RNF157: variants seen among roughly 807,000 people sequenced by gnomAD.
RNF157 encodes ring finger protein 157, also known as E3 ubiquitin ligase RNF157.
RNF157 carries 55 observed loss-of-function variants against 88.3 expected under a neutral mutation model. The observed-to-expected ratio is 0.62, with a 90% CI of 0.50 to 0.78. RNF157 has a LOEUF of 0.78. Among genes scored for constraint, RNF157 ranks in the 30% least tolerant of loss-of-function variants. The probability of loss-of-function intolerance (pLI) is 0.00; values close to 1 mark genes in which losing one functional copy is unlikely to be tolerated. For missense variants in RNF157, 788 were observed against 860.8 expected, an observed-to-expected ratio of 0.92 and a Z score of 1.06; for synonymous variants, 334 against 341.2, an observed-to-expected ratio of 0.98 and a Z score of 0.23.
At chr17:76,191,658 C>G (rs1303508346) in intron 2 of RNF157, among the ~76,000 whole-genome samples, 1 of 151,436 alleles carries the variant, frequency 6.6e-6, no homozygotes, top group African/African-American at 2.4e-5. Context: ...CCTGTAGTCC[C>G]AGCTCCTAGG....
intron 18 of RNF157, chr17:76,147,087 C>G: frequency 1.0e-6 from 1 of 985,292 alleles, no homozygotes; most frequent in Non-Finnish European, 1.2e-6. Context: ...TCTTTACTCC[C>G]TGGGGGTGGG....
chr17:76,202,128 T>TCTCTCTCACACACACACACA (rs1250661867), intron 2 of RNF157, among the ~76,000 whole-genome samples: 12 of 134,600 alleles, frequency 8.9e-5, no homozygotes, highest in African/African-American at 3.4e-4. Flanking sequence ...TCTCTCTCTC[T>TCTCTCTCACACACACACACA]CACACACACA....
chr17:76,189,069 C>T (rs2069340063), intron 2 of RNF157, among the ~76,000 whole-genome samples: 1 of 152,138 alleles, frequency 6.6e-6, no homozygotes, highest in Non-Finnish European at 1.5e-5. Context: ...AATTGAGAAA[C>T]TAGCACACAT....
At chr17:76,172,172 A>G (rs968743297) in intron 3 of RNF157, among the ~76,000 whole-genome samples, 1 of 152,168 alleles carries the variant, frequency 6.6e-6, no homozygotes, top group Non-Finnish European at 1.5e-5. Flanking sequence ...TAAAATATAA[A>G]AAATTAAGAG....
chr17:76,201,169 T>C (rs1158005808), intron 2 of RNF157, among the ~76,000 whole-genome samples: 4 of 151,930 alleles, frequency 2.6e-5, no homozygotes, highest in Non-Finnish European at 5.9e-5. Context: ...ACACGTTCAC[T>C]GGAAAAAATT....
chr17:76,201,576 A>T (rs1282451824), intron 2 of RNF157, among the ~76,000 whole-genome samples: 1 of 152,194 alleles, frequency 6.6e-6, no homozygotes, highest in Non-Finnish European at 1.5e-5. Flanking sequence ...TTCTTGATAT[A>T]TCCCAAGAGT....
chr17:76,219,450 T>C (rs975334251), intron 1 of RNF157, among the ~76,000 whole-genome samples: 5 of 151,916 alleles, frequency 3.3e-5, no homozygotes, highest in Non-Finnish European at 4.4e-5. Context: ...TGAAGATATA[T>C]ACATATTAAT....
intron 2 of RNF157, among the ~76,000 whole-genome samples, chr17:76,204,358 G>A (rs1048693772): frequency 8.5e-5 from 13 of 152,178 alleles, no homozygotes; most frequent in African/African-American, 3.1e-4. Flanking sequence ...CATCCCCACT[G>A]GTCTGTGCTC....
intron 8 of RNF157, chr17:76,163,246 G>A (rs1032664516): frequency 6.8e-6 from 1 of 147,306 alleles, no homozygotes; most frequent in African/African-American, 2.5e-5. Context: ...AGGCTGGAGT[G>A]CAGTGGCACC....
At chr17:76,202,128 T>TCTCTCTCTCTCTCACACACACA (rs1250661867) in intron 2 of RNF157, among the ~76,000 whole-genome samples, 3 of 134,602 alleles carry the variant, frequency 2.2e-5, no homozygotes, top group Admixed American at 7.3e-5. Flanking sequence ...TCTCTCTCTC[T>TCTCTCTCTCTCTCACACACACA]CACACACACA....
chr17:76,187,191 T>C (rs1156298993), intron 2 of RNF157, among the ~76,000 whole-genome samples: 1 of 151,872 alleles, frequency 6.6e-6, no homozygotes, highest in Non-Finnish European at 1.5e-5. Context: ...TCTTCTTCTT[T>C]TTTTTTTCTT....
At chr17:76,209,950 G>C (rs1182558238) in intron 2 of RNF157, among the ~76,000 whole-genome samples, 4 of 151,986 alleles carry the variant, frequency 2.6e-5, no homozygotes, top group Admixed American at 6.6e-5. Flanking sequence ...AGTAGAGATG[G>C]GGTTTCACCA....
chr17:76,240,157 C>G lies in RNF157; in HGVS notation c.84G>C (p.Lys28Asn), dbSNP rs748724103. The change falls in exon 1 of 19, where the codon AAG becomes AAC. Residue 28 changes from lysine to asparagine, a missense_variant. Lys to Asn is a moderately conservative substitution (Grantham distance 94). Coordinates refer to ENST00000269391, the MANE Select transcript of RNF157 (RefSeq NM_052916.3). The surrounding 1 kb of genome is among the most constrained non-coding windows in gnomAD (Gnocchi z 4.4). The stretch of plus-strand genomic sequence containing the variant: ...GCGGCGCCCGCCCGCCCTCACCGGA[C>G]TTGGGCGGGTAGCGGTACACGGAAT... ...PSNSVYRYPP[K>N]SGSYFASHFI... 1 of 1,359,814 alleles carries G rather than the reference C, an allele frequency of 7.4e-7. No individual in the cohort carries two copies. Among genetic ancestry groups the G allele is most frequent in the Non-Finnish European group, 9.6e-7 (1 of 1,043,508 alleles). 84.2% of individuals were successfully genotyped at this position (1,359,814 alleles called of 1,614,324 possible). A position where few individuals can be genotyped will look rare whatever the true frequency, so the allele number is the denominator to read the frequency against.
chr17:76,221,419 G>T (rs1419057516), intron 1 of RNF157, among the ~76,000 whole-genome samples: 2 of 152,148 alleles, frequency 1.3e-5, no homozygotes, highest in Non-Finnish European at 2.9e-5. Flanking sequence ...CATGATTAAT[G>T]AGAGTTCAAG....
In RNF157 at chr17:76,152,464, G is replaced by T. The variant is rs746575050; in HGVS notation, c.1812C>A (p.Gly604=). 2 of 1,601,556 alleles carry T rather than the reference G, an allele frequency of 1.2e-6. No individual in the cohort carries two copies. Among genetic ancestry groups the T allele is most frequent in the East Asian group, 4.5e-5 (2 of 44,820 alleles). Residue 604 remains glycine, a splice_region_variant and synonymous_variant, in exon 18 of 19, where the codon GGC becomes GGA. Coordinates refer to ENST00000269391, the MANE Select transcript of RNF157 (RefSeq NM_052916.3). Reference sequence around the variant, plus strand: ...TACCTAGAAATGCGCACGTCCTCTGGCCTGTAACGGAGTTAATGCAGTTAG... The same window carrying T: ...TACCTAGAAATGCGCACGTCCTCTGTCCTGTAACGGAGTTAATGCAGTTAG... ...EEEDGSPTQE[G]QRTCAFLGME... is the part of the protein sequence containing the mutation.
Position 76,156,212 on chromosome 17 carries a change from T to C in RNF157, c.1523A>G (p.Glu508Gly), listed in dbSNP as rs1167641204. 3 of 1,611,992 alleles carry C rather than the reference T, an allele frequency of 1.9e-6. No homozygotes were observed. The African/African-American group carries it at 4.0e-5, about 22-fold the overall frequency. Reference protein sequence around the residue: ...TPLSSTISSPEGPASSSLAQS... With the variant: ...TPLSSTISSPGGPASSSLAQS... The stretch of plus-strand genomic sequence containing the variant: ...GCCACTCCCCGCTCCTTATGTACCT[T>C]CTGGGGAGGAAATAGTGGATGACAG... The change falls in exon 14 of 19, where the codon GAA becomes GGA. Residue 508 changes from glutamate to glycine, a missense_variant and splice_region_variant. By Grantham distance (98) the Glu-to-Gly change is moderately conservative. Transcript: ENST00000269391.
rs1447968812 is a variant in RNF157, at chr17:76,195,535, T to C, written c.207+16829A>G. ...CTCCTAGCTATAGCCTTAACAGGTA[T>C]GCATACATATACACAACAAAATACA... On this transcript the variant is annotated intron_variant, in intron 2 of 18. Coordinates refer to ENST00000269391, the MANE Select transcript of RNF157 (RefSeq NM_052916.3). This position sits in a 1 kb window ranked among gnomAD's most constrained non-coding sequence, Gnocchi z 4.4. Among the ~76,000 whole-genome samples the C allele has an allele frequency of 6.6e-6, 1 of 152,202 alleles. No individual in the cohort carries two copies. Among genetic ancestry groups the C allele is most frequent in the Non-Finnish European group, 1.5e-5 (1 of 68,036 alleles).
chr17:76,183,712 TAAGG>T (rs1419863794), intron 2 of RNF157, among the ~76,000 whole-genome samples: 2 of 152,066 alleles, frequency 1.3e-5, no homozygotes, highest in Non-Finnish European at 2.9e-5. Context: ...GATTCTACTG[TAAGG>T]AAGAGCTGTC....
Position 76,144,692 on chromosome 17 carries a change from C to T in RNF157, c.*543G>A, listed in dbSNP as rs952455711. On this transcript the variant is annotated 3_prime_UTR_variant, in exon 19 of 19. Transcript: ENST00000269391. ...AGGAAGGATTGTTTCCTTCAACCAA[C>T]CTTTTGGTTGCTACCATTTCTTGTC... 3 of 152,314 alleles carry T rather than the reference C, an allele frequency of 2.0e-5. No homozygotes were observed. Among genetic ancestry groups the T allele is most frequent in the African/African-American group, 7.2e-5 (3 of 41,456 alleles). The allele number at this position is 152,314 out of a possible 1,614,324, so 9.4% of individuals were successfully genotyped here.
Sources: gnomAD v4.1 joint callset for allele counts (sites outside exome capture counted in the v4.1 genomes callset) on GRCh38, gnomAD v4.1.1 for gene constraint, Gnocchi (gnomAD v3.1) non-coding constraint, MANE v1.5 for transcripts, NCBI Gene and HGNC (gene_info 2026-07-23, HGNC 2026-07-21) for gene names.